The following PALLD variants were observed in gnomAD, a reference collection of about 807,000 sequenced individuals.
The protein encoded by PALLD is palladin, cytoskeletal associated protein, also known as palladin.
A neutral mutation model predicts 123.5 loss-of-function variants in PALLD; 61 were observed. That is an observed-to-expected ratio of 0.49 (90% confidence interval 0.40 to 0.61). The LOEUF (loss-of-function observed/expected upper bound fraction) is 0.61. Ranked by LOEUF, PALLD falls within the 20% of genes least tolerant of loss-of-function variation. The pLI, the probability that PALLD is intolerant of heterozygous loss-of-function variation, is 0.00. For missense variants in PALLD, 1,273 were observed against 1,377.0 expected (o/e 0.92, Z 1.20); for synonymous variants, 465 against 496.4 (o/e 0.94, Z 0.84).
At chr4:168,923,623 A>G (rs870717) in intron 18 of PALLD, among the ~76,000 whole-genome samples, 104,572 of 151,612 alleles carry the variant, frequency 0.69, 37,461 homozygotes, top group East Asian at 0.96. Flanking sequence ...CAAGGTTATA[A>G]TAAAGCTTTT....
At chr4:168,858,817 G>A (rs922926420) in intron 10 of PALLD, among the ~76,000 whole-genome samples, 1 of 151,762 alleles carries the variant, frequency 6.6e-6, no homozygotes, top group African/African-American at 2.4e-5. Flanking sequence ...AATCCAGAGT[G>A]GGCTTTAAGA....
chr4:168,742,156 G>T (rs1788412830), intron 10 of PALLD, among the ~76,000 whole-genome samples: 1 of 152,144 alleles, frequency 6.6e-6, no homozygotes, highest in African/African-American at 2.4e-5. Context: ...CTACTTAGAG[G>T]GCTTTATGGA....
intron 8 of PALLD, among the ~76,000 whole-genome samples, chr4:168,694,044 G>A (rs148836300): frequency 0.017 from 2,626 of 152,264 alleles, 88 homozygotes; most frequent in South Asian, 0.14. Context: ...TAGTTGCCAA[G>A]TGTTTTCCTT....
At chr4:168,660,894 C>T (rs1270955483) in intron 2 of PALLD, among the ~76,000 whole-genome samples, 4 of 151,594 alleles carry the variant, frequency 2.6e-5, no homozygotes, top group African/African-American at 7.3e-5. Flanking sequence ...TTTCTTTCTT[C>T]TTCCTCTTTT....
intron 10 of PALLD, among the ~76,000 whole-genome samples, chr4:168,838,638 T>C (rs914036876): frequency 4.6e-5 from 7 of 151,294 alleles, no homozygotes; most frequent in Non-Finnish European, 1.0e-4. Context: ...CTAGTTCACT[T>C]CTTGAGGAGA....
intron 2 of PALLD, among the ~76,000 whole-genome samples, chr4:168,603,461 T>C (rs917485099): frequency 1.3e-5 from 2 of 152,244 alleles, no homozygotes; most frequent in African/African-American, 2.4e-5. Context: ...TAATTATGAA[T>C]GTATAATTTT....
intron 2 of PALLD, among the ~76,000 whole-genome samples, chr4:168,620,220 G>A (rs987507952): frequency 1.3e-5 from 2 of 152,226 alleles, no homozygotes; most frequent in Non-Finnish European, 2.9e-5. Flanking sequence ...ACTTTGGGAG[G>A]CCAAGGCAGG....
intron 10 of PALLD, among the ~76,000 whole-genome samples, chr4:168,877,479 T>C (rs1316073804): frequency 2.0e-5 from 3 of 152,238 alleles, no homozygotes; most frequent in Non-Finnish European, 2.9e-5. Flanking sequence ...TGTAAACTGG[T>C]TGGGATCACC....
chr4:168,814,788 T>C (rs1307231623), intron 10 of PALLD, among the ~76,000 whole-genome samples: 1 of 152,226 alleles, frequency 6.6e-6, no homozygotes, highest in Non-Finnish European at 1.5e-5. Context: ...TTGTTTGTTT[T>C]GAGACACAGT....
chr4:168,918,311 T>G (rs1319236238), intron 17 of PALLD, among the ~76,000 whole-genome samples: 1 of 140,804 alleles, frequency 7.1e-6, no homozygotes, highest in Admixed American at 7.6e-5. Context: ...GATGAATGAA[T>G]AAAGAAAATA....
chr4:168,703,938 CT>C (rs1233653782), intron 8 of PALLD, among the ~76,000 whole-genome samples: 1 of 152,040 alleles, frequency 6.6e-6, no homozygotes, highest in African/African-American at 2.4e-5. Context: ...TCAATTTTGG[CT>C]TTTGTTGCCA....
intron 2 of PALLD, among the ~76,000 whole-genome samples, chr4:168,536,803 A>G (rs1268553140): frequency 1.3e-5 from 2 of 151,470 alleles, no homozygotes; most frequent in Admixed American, 1.3e-4. Flanking sequence ...CACAAAGCCT[A>G]ACTACATCAG....
intron 9 of PALLD, 86 bp from the exon 10 acceptor site, chr4:168,711,495 G>A: frequency 1.0e-6 from 1 of 957,658 alleles, no homozygotes; most frequent in Non-Finnish European, 1.7e-6. Flanking sequence ...ACAACACAGG[G>A]ATTCTCAGAA....
chr4:168,639,751 A>C (rs565376787), intron 2 of PALLD, among the ~76,000 whole-genome samples: 3 of 151,982 alleles, frequency 2.0e-5, no homozygotes. Flanking sequence ...TCACCGTGTT[A>C]GCCAGGATGG....
chr4:168,497,790 C>T (rs1017213641), intron 1 of PALLD, among the ~76,000 whole-genome samples: 29 of 152,114 alleles, frequency 1.9e-4, no homozygotes, highest in African/African-American at 7.0e-4. Flanking sequence ...TAAGGGAAAC[C>T]ACAGTGCAAT....
intron 10 of PALLD, among the ~76,000 whole-genome samples, chr4:168,884,757 T>A (rs188251036): frequency 1.3e-3 from 199 of 152,346 alleles, no homozygotes; most frequent in Non-Finnish European, 1.2e-3. Flanking sequence ...ATTCTTGGCA[T>A]CTTTTTAAAC....
chr4:168,795,474 A>T (rs1482934761), intron 10 of PALLD, among the ~76,000 whole-genome samples: 2 of 152,254 alleles, frequency 1.3e-5, no homozygotes, highest in Admixed American at 6.5e-5. Context: ...TGCTGTCAAC[A>T]AAATATGAAC....
intron 10 of PALLD, among the ~76,000 whole-genome samples, chr4:168,830,943 T>A (rs1460132554): frequency 6.6e-6 from 1 of 152,230 alleles, no homozygotes; most frequent in Non-Finnish European, 1.5e-5. Flanking sequence ...CGAAACAGCC[T>A]GGCACAACAG....
intron 10 of PALLD, among the ~76,000 whole-genome samples, chr4:168,799,893 G>A (rs1739071445): frequency 1.3e-5 from 2 of 152,040 alleles, no homozygotes; most frequent in African/African-American, 2.4e-5. Flanking sequence ...GCACTTACGA[G>A]CATTTGTGTA....
Sources: gnomAD v4.1 joint callset for allele counts (sites outside exome capture counted in the v4.1 genomes callset) on GRCh38, gnomAD v4.1.1 for gene constraint, MANE v1.5 for transcripts, NCBI Gene and HGNC (gene_info 2026-07-23, HGNC 2026-07-21) for gene names.